The following PACSIN2 variants were observed in gnomAD, a reference collection of about 807,000 sequenced individuals.
The protein encoded by PACSIN2 is protein kinase C and casein kinase substrate in neurons 2.
PACSIN2 carries 25 observed loss-of-function variants against 63.8 expected under a neutral mutation model. That is an observed-to-expected ratio of 0.39 (90% CI 0.29 to 0.55). The LOEUF is 0.55. PACSIN2 is among the 20% of genes least tolerant of loss of function. PACSIN2 has a pLI of 0.62. For missense variants in PACSIN2, 518 were observed against 646.9 expected (o/e 0.80, Z 2.16); for synonymous variants, 255 against 256.2 (o/e 1.00, Z 0.05).
At chr22:42,981,096 C>A (rs200272554) in intron 1 of PACSIN2, among the ~76,000 whole-genome samples, 1 of 143,984 alleles carries the variant, frequency 6.9e-6, no homozygotes, top group Admixed American at 6.9e-5. Flanking sequence ...TCTGCCCGGC[C>A]GCCCATCGTC....
At chr22:42,989,866 AAATAT>A (rs1245992812) in intron 1 of PACSIN2, among the ~76,000 whole-genome samples, 57 of 108,498 alleles carry the variant, frequency 5.3e-4, no homozygotes, top group African/African-American at 1.3e-3. Flanking sequence ...GGGGAAAAAA[AAATAT>A]ATATATATAT....
At chr22:42,915,083 G>A (rs1931725289) in intron 1 of PACSIN2, among the ~76,000 whole-genome samples, 2 of 152,122 alleles carry the variant, frequency 1.3e-5, no homozygotes, top group Non-Finnish European at 2.9e-5. Context: ...GCCCAGACTG[G>A]TCTCAAACTC....
chr22:42,975,029 A>T (rs1601595052), intron 1 of PACSIN2, among the ~76,000 whole-genome samples: 1 of 152,116 alleles, frequency 6.6e-6, no homozygotes, highest in Non-Finnish European at 1.5e-5. Context: ...CAGCAAGCCC[A>T]CCTGCCTGCA....
chr22:42,940,988 T>C (rs191010811), intron 1 of PACSIN2, among the ~76,000 whole-genome samples: 110 of 152,306 alleles, frequency 7.2e-4, no homozygotes, highest in African/African-American at 2.5e-3. Flanking sequence ...ATGACAATCA[T>C]TTTAGAACAT....
chr22:42,934,514 C>T (rs1932851464), intron 1 of PACSIN2, among the ~76,000 whole-genome samples: 1 of 152,248 alleles, frequency 6.6e-6, no homozygotes, highest in African/African-American at 2.4e-5. Flanking sequence ...TCTGGCTTCC[C>T]AGCCTGCCCA....
intron 10 of PACSIN2, among the ~76,000 whole-genome samples, chr22:42,874,812 C>T (rs1928461995): frequency 6.6e-6 from 1 of 151,570 alleles, no homozygotes; most frequent in South Asian, 2.1e-4. Flanking sequence ...ACTGGCTTGG[C>T]AGCACCTCAC....
chr22:42,931,777 T>C (rs527819021), intron 1 of PACSIN2, among the ~76,000 whole-genome samples: 1 of 152,208 alleles, frequency 6.6e-6, no homozygotes, highest in Non-Finnish European at 1.5e-5. Flanking sequence ...GTTATTATTA[T>C]GGTTAACAAC....
chr22:42,914,568 C>T (rs1475455836), intron 1 of PACSIN2, among the ~76,000 whole-genome samples: 4 of 152,246 alleles, frequency 2.6e-5, no homozygotes, highest in South Asian at 2.1e-4. Context: ...CTCCTGGAGT[C>T]GCCTCACCCC....
At chr22:43,000,225 C>G (rs977143200) in intron 1 of PACSIN2, among the ~76,000 whole-genome samples, 2 of 152,212 alleles carry the variant, frequency 1.3e-5, no homozygotes, top group Non-Finnish European at 2.9e-5. Flanking sequence ...GAAAAGCAAC[C>G]CGGGTTCCAG....
chr22:42,906,179 C>A (rs540954104), intron 2 of PACSIN2, among the ~76,000 whole-genome samples: 13 of 152,376 alleles, frequency 8.5e-5, no homozygotes, highest in African/African-American at 3.1e-4. Context: ...GTCACACTCA[C>A]CTCTGTGTCC....
In PACSIN2 at chr22:42,893,514, C is replaced by A; in HGVS notation, c.160G>T (p.Ala54Ser). The change falls in exon 3 of 11, where the codon GCG (alanine) becomes TCG (serine). Residue 54 changes from alanine to serine, a missense_variant. Coordinates refer to ENST00000263246, the MANE Select transcript of PACSIN2 (RefSeq NM_001184970.3). ...CACTCAGTGAGCTGCTGCGCATACG[C>A]CTTCTCGATGCGCGCCCGCTCATGC... ...CLHERARIEK[A>S]YAQQLTEWAR... 6.2e-7 allele frequency: 1 copy of A among 1,614,122 alleles called. No homozygotes were observed. The highest frequency in any genetic ancestry group is 8.5e-7 in the Non-Finnish European group (1 of 1,180,052).
At chr22:42,911,386 C>T (rs540711129) in intron 2 of PACSIN2, among the ~76,000 whole-genome samples, 47 of 147,086 alleles carry the variant, frequency 3.2e-4, no homozygotes, top group Admixed American at 2.6e-3. Context: ...CTCCAGCCTG[C>T]GCTCTCGAGA....
At chr22:42,911,644 T>C (rs929048402) in intron 2 of PACSIN2, among the ~76,000 whole-genome samples, 8 of 152,182 alleles carry the variant, frequency 5.3e-5, no homozygotes, top group Admixed American at 2.6e-4. Flanking sequence ...CCTCCTTGTT[T>C]CTACATAAAA....
chr22:42,943,152 A>G (rs1421194669), intron 1 of PACSIN2, among the ~76,000 whole-genome samples: 1 of 152,260 alleles, frequency 6.6e-6, no homozygotes, highest in Non-Finnish European at 1.5e-5. Flanking sequence ...TATATACTAT[A>G]ATAAATGAAA....
At chr22:43,005,589 G>A (rs8137343) in intron 1 of PACSIN2, among the ~76,000 whole-genome samples, 2,380 of 152,306 alleles carry the variant, frequency 0.016, 19 homozygotes, top group Non-Finnish European at 0.024. Flanking sequence ...CCGTGACCCC[G>A]AGTCACCAAG....
At chr22:42,926,555 A>T (rs1932546818) in intron 1 of PACSIN2, among the ~76,000 whole-genome samples, 1 of 152,222 alleles carries the variant, frequency 6.6e-6, no homozygotes, top group African/African-American at 2.4e-5. Context: ...AATCACTTCA[A>T]AGAAACACAG....
chr22:42,908,623 G>A lies in PACSIN2; in HGVS notation c.60+3398C>T, dbSNP rs533653003. 3.1e-3 allele frequency among the ~76,000 whole-genome samples: 471 copies of A among 152,318 alleles called. 3 individuals are homozygous for A. The highest frequency in any genetic ancestry group is 0.011 in the African/African-American group (464 of 41,578). On this transcript the variant is annotated intron_variant, in intron 2 of 10. Coordinates refer to ENST00000263246, the MANE Select transcript of PACSIN2 (RefSeq NM_001184970.3). ...CCAGACCAGGCTCTGACTTGCTGAG[G>A]GAGCGACCCACCTGGGGAACTGCCT... is the stretch of plus-strand genomic sequence containing the variant.
At chr22:43,014,348 A>AAGGGCTTTGCTCCCCCCGCCCTC (rs1924717700) in intron 1 of PACSIN2, among the ~76,000 whole-genome samples, 2 of 16,592 alleles carry the variant, frequency 1.2e-4, no homozygotes, top group African/African-American at 7.5e-4. Context: ...ACACACACAC[A>AAGGGCTTTGCTCCCCCCGCCCTC]CACAGACACA....
intron 1 of PACSIN2, among the ~76,000 whole-genome samples, chr22:42,955,797 A>G (rs890875388): frequency 5.9e-5 from 9 of 152,170 alleles, no homozygotes; most frequent in African/African-American, 1.7e-4. Flanking sequence ...GTAGTAACAA[A>G]TGTTTCTGTC....
Sources: allele counts gnomAD v4.1 joint callset (sites outside exome capture counted in the v4.1 genomes callset), GRCh38; gene constraint gnomAD v4.1.1; transcripts MANE v1.5; gene names NCBI Gene and HGNC (gene_info 2026-07-23, HGNC 2026-07-21).